The following SHOC2 variants were observed in gnomAD, a reference collection of about 807,000 sequenced individuals.
SHOC2 encodes the protein leucine-rich repeat protein SHOC-2.
A neutral mutation model predicts 50.2 loss-of-function variants in SHOC2; 4 were observed. That is an observed-to-expected ratio of 0.08 (90% CI 0.04 to 0.18). The LOEUF (loss-of-function observed/expected upper bound fraction) is 0.18. Ranked by LOEUF, SHOC2 falls within the 10% of genes least tolerant of loss-of-function variation. The pLI is 1.00. For synonymous variants in SHOC2, 218 were observed against 244.5 expected (o/e 0.89, Z 1.01); for missense variants, 388 against 669.6 (o/e 0.58, Z 4.64).
Position 110,923,928 on chromosome 10 carries a change from T to C in SHOC2, c.-235+4271T>C, listed in dbSNP as rs189176926. Among the ~76,000 whole-genome samples the C allele has an allele frequency of 1.1e-4, 17 of 152,338 alleles. No homozygotes were observed. In the East Asian group the frequency reaches 3.3e-3, roughly 29 times the overall value. ...GACAAAGATAAATATTTTTTTCTTTTAGTTTTTCTAATGTCTTGGAGGTAA... is the reference window on the plus strand; with the variant it reads ...GACAAAGATAAATATTTTTTTCTTTCAGTTTTTCTAATGTCTTGGAGGTAA... On this transcript the variant is annotated intron_variant, in intron 1 of 8. Transcript: ENST00000369452.
intron 2 of SHOC2, among the ~76,000 whole-genome samples, chr10:110,971,346 A>G (rs1847778226): frequency 6.6e-6 from 1 of 151,968 alleles, no homozygotes; most frequent in South Asian, 2.1e-4. Context: ...CTCCTTTATC[A>G]AGTATCAGTT....
chr10:110,931,938 G>A (rs934714309), intron 1 of SHOC2, among the ~76,000 whole-genome samples: 2 of 152,100 alleles, frequency 1.3e-5, no homozygotes, highest in African/African-American at 2.4e-5. Flanking sequence ...CAACTAACCT[G>A]CCAAGTCTAA....
At chr10:110,941,121 C>T (rs1467675608) in intron 1 of SHOC2, among the ~76,000 whole-genome samples, 2 of 151,642 alleles carry the variant, frequency 1.3e-5, no homozygotes, top group Non-Finnish European at 1.5e-5. Context: ...TTGGTATTTA[C>T]ATTATTTCTC....
Position 110,933,785 on chromosome 10 carries a change from G to A in SHOC2, c.-235+14128G>A, listed in dbSNP as rs533309654. The stretch of plus-strand genomic sequence containing the variant: ...TGAACAGCCTAGACACTGCACTCCA[G>A]CCTAGACAATGTAGTAAGACCCTGT... On this transcript the variant is annotated intron_variant, in intron 1 of 8. Transcript: ENST00000369452. 2.6e-5 allele frequency among the ~76,000 whole-genome samples: 4 copies of A among 152,276 alleles called. No homozygotes were observed. The East Asian group carries it at 7.7e-4, about 29-fold the overall frequency.
rs188293504 is a variant in SHOC2 at position 110,928,279 on chromosome 10, T to C, written c.-235+8622T>C. ...TTGCAGTGAGCTGAGATCACACTACTGCACTCCAGCCTGGGCAACAAACAA... is the reference window on the plus strand; with the variant it reads ...TTGCAGTGAGCTGAGATCACACTACCGCACTCCAGCCTGGGCAACAAACAA... On this transcript the variant is annotated intron_variant, in intron 1 of 8. Transcript: ENST00000369452. Among the ~76,000 whole-genome samples, 21 of 152,254 alleles carry C rather than the reference T, an allele frequency of 1.4e-4. 1 individual carries two copies. The East Asian group carries it at 4.1e-3, about 29-fold the overall frequency.
At chr10:110,967,341 A>G (rs1290705881) in intron 2 of SHOC2, among the ~76,000 whole-genome samples, 1 of 152,164 alleles carries the variant, frequency 6.6e-6, no homozygotes, top group East Asian at 1.9e-4. Context: ...ACCACCCCCC[A>G]TAGATTTTGA....
chr10:110,932,483 G>T (rs918976431), intron 1 of SHOC2, among the ~76,000 whole-genome samples: 1 of 152,176 alleles, frequency 6.6e-6, no homozygotes, highest in Admixed American at 6.5e-5. Flanking sequence ...GGTAATGGCA[G>T]TGAGAATGAA....
chr10:110,997,888 A>G (rs987757035), intron 3 of SHOC2, among the ~76,000 whole-genome samples: 1 of 152,104 alleles, frequency 6.6e-6, no homozygotes, highest in Non-Finnish European at 1.5e-5. Flanking sequence ...GTTATTGAAT[A>G]TTTAGATTGT....
chr10:110,953,632 G>A (rs1394442313), intron 1 of SHOC2, among the ~76,000 whole-genome samples: 2 of 151,834 alleles, frequency 1.3e-5, no homozygotes, highest in East Asian at 1.9e-4. Context: ...TCATCTCATT[G>A]GGTAATACCA....
intron 3 of SHOC2, among the ~76,000 whole-genome samples, chr10:110,994,356 A>G (rs932389022): frequency 1.3e-5 from 2 of 152,196 alleles, no homozygotes; most frequent in Non-Finnish European, 2.9e-5. Context: ...CTTCACTCTT[A>G]GTGGAAATAA....
chr10:111,005,099 G>T (rs1377670425), intron 5 of SHOC2, among the ~76,000 whole-genome samples: 1 of 152,100 alleles, frequency 6.6e-6, no homozygotes, highest in Non-Finnish European at 1.5e-5. Context: ...ACCAGCTTGG[G>T]CAATATAGTG....
At position 110,990,454 on chromosome 10, in the gene SHOC2, C is replaced by T. The variant is rs552236636; in HGVS notation, c.841+4689C>T. On this transcript the variant is annotated intron_variant, in intron 3 of 8. Transcript: ENST00000369452. ...GTTTGTGAGTGCACCAATCAACACT[C>T]TGTATCTAGCTGCTCTGGTGGGGCC... Among the ~76,000 whole-genome samples, 311 of 152,258 alleles carry T rather than the reference C, an allele frequency of 2.0e-3. 1 individual carries two copies. Among genetic ancestry groups the T allele is most frequent in the African/African-American group, 7.2e-3 (301 of 41,524 alleles).
chr10:110,930,526 A>G (rs549356327), intron 1 of SHOC2, among the ~76,000 whole-genome samples: 3 of 152,210 alleles, frequency 2.0e-5, no homozygotes, highest in African/African-American at 7.2e-5. Flanking sequence ...TGAAAATACT[A>G]TATTGAATAT....
At chr10:110,930,510 TTTC>T (rs1415006039) in intron 1 of SHOC2, among the ~76,000 whole-genome samples, 1 of 152,172 alleles carries the variant, frequency 6.6e-6, no homozygotes, top group African/African-American at 2.4e-5. Flanking sequence ...AAAATCTTTT[TTTC>T]TTTGAAAATA....
chr10:110,936,871 AG>A (rs1847029562), intron 1 of SHOC2: 1 of 1,366,206 alleles, frequency 7.3e-7, no homozygotes, highest in South Asian at 1.2e-5. Flanking sequence ...TGAGGGCAGC[AG>A]GAACCACCAT....
chr10:110,931,279 C>T (rs557477249), intron 1 of SHOC2, among the ~76,000 whole-genome samples: 170 of 152,156 alleles, frequency 1.1e-3, no homozygotes, highest in African/African-American at 4.0e-3. Context: ...TGTGGACAGC[C>T]GTTAGCCTCT....
Position 111,012,823 on chromosome 10 carries a change from A to T in SHOC2, c.*1005A>T, listed in dbSNP as rs895255595. 6.6e-6 allele frequency: 1 copy of T among 152,614 alleles called. No individual in the cohort carries two copies. Among genetic ancestry groups the T allele is most frequent in the African/African-American group, 2.4e-5 (1 of 41,452 alleles). The allele number at this position is 152,614 out of a possible 1,614,324, so 9.5% of individuals were successfully genotyped here. A position where few individuals can be genotyped will look rare whatever the true frequency, so the allele number is the denominator to read the frequency against. ...ATGAATGTCTTTCTTTGAAAACTGC[A>T]ATGTATGTATGTTTCAAGGTTATTT... is the stretch of plus-strand genomic sequence containing the variant. On this transcript the variant is annotated 3_prime_UTR_variant, in exon 9 of 9. Coordinates refer to ENST00000369452, the MANE Select transcript of SHOC2 (RefSeq NM_007373.4).
chr10:110,999,779 T>G (rs908634520), intron 3 of SHOC2, among the ~76,000 whole-genome samples: 1 of 142,472 alleles, frequency 7.0e-6, no homozygotes, highest in Non-Finnish European at 1.5e-5. Context: ...GAAAAGAAAG[T>G]GCTCTTCTGT....
chr10:110,947,349 A>G (rs1032317152), intron 1 of SHOC2, among the ~76,000 whole-genome samples: 22 of 152,324 alleles, frequency 1.4e-4, no homozygotes, highest in African/African-American at 5.1e-4. Context: ...CTGCTCGTGG[A>G]CTATGCCAGC....
Sources: allele counts gnomAD v4.1 joint callset (sites outside exome capture counted in the v4.1 genomes callset), GRCh38; gene constraint gnomAD v4.1.1; transcripts MANE v1.5; gene names NCBI Gene and HGNC (gene_info 2026-07-23, HGNC 2026-07-21).